Variants in CNTN4 observed in about 807,000 individuals in gnomAD.
CNTN4 encodes the protein contactin-4.
A neutral mutation model predicts 122.5 loss-of-function variants in CNTN4; 77 were observed. That is an observed-to-expected ratio of 0.63 (90% CI 0.52 to 0.76). CNTN4 has a LOEUF of 0.76. Among genes scored for constraint, CNTN4 ranks in the 30% least tolerant of loss-of-function variants. CNTN4 has a pLI of 0.00. For missense variants in CNTN4, 1,256 were observed against 1,259.1 expected, an observed-to-expected ratio of 1.00 and a Z score of 0.04; for synonymous variants, 512 against 447.0, an observed-to-expected ratio of 1.15 and a Z score of -1.83.
rs543475361 is a variant in CNTN4, at chr3:2,416,673, G to A, written c.-89+77440G>A. On this transcript the variant is annotated intron_variant, in intron 3 of 24. Coordinates refer to ENST00000418658, the MANE Select transcript of CNTN4 (RefSeq NM_175607.3). ...CAGTGTCGCAACTTTCTTTTTTTTA[G>A]GACGGAGTCTCTGTCTGTCGCCCAG... 2.7e-5 allele frequency among the ~76,000 whole-genome samples: 4 copies of A among 150,470 alleles called. No homozygotes were observed. The South Asian group carries it at 8.5e-4, about 32-fold the overall frequency.
At chr3:2,796,719 A>T (rs1559512707) in intron 6 of CNTN4, among the ~76,000 whole-genome samples, 1 of 152,244 alleles carries the variant, frequency 6.6e-6, no homozygotes. Flanking sequence ...AAGTCCTTAC[A>T]TAAGATCCGG....
At chr3:2,260,152 C>T (rs1439542057) in intron 2 of CNTN4, among the ~76,000 whole-genome samples, 2 of 152,046 alleles carry the variant, frequency 1.3e-5, no homozygotes, top group Non-Finnish European at 2.9e-5. Context: ...TACTTTCTAC[C>T]ACATAATGTA....
In CNTN4 at chr3:2,914,658, A is replaced by G. The variant is rs964861327; in HGVS notation, c.1208-10971A>G. ...AGTAGTAATTTAAACTTCCCAATAA[A>G]GAAAATCCCTGGACCAAATGCCTCA... On this transcript the variant is annotated intron_variant, in intron 12 of 24. Coordinates refer to ENST00000418658, the MANE Select transcript of CNTN4 (RefSeq NM_175607.3). 3.9e-5 allele frequency among the ~76,000 whole-genome samples: 6 copies of G among 152,248 alleles called. 2 individuals carry two copies. Among genetic ancestry groups the G allele is most frequent in the Admixed American group, 3.9e-4 (6 of 15,282 alleles).
rs543972461 is a variant in CNTN4 at position 2,602,602 on chromosome 3, C to G, written c.55+31044C>G. ...ACAAAATAAAAGAGGACACAAACAA[C>G]TGGAAGAACATTCCATGCTCATGGA... On this transcript the variant is annotated intron_variant, in intron 4 of 24. Transcript: ENST00000418658. Among the ~76,000 whole-genome samples, 54 of 152,230 alleles carry G rather than the reference C, an allele frequency of 3.5e-4. 3 individuals are homozygous for G. In the South Asian group the frequency reaches 0.011, roughly 31 times the overall value.
intron 4 of CNTN4, among the ~76,000 whole-genome samples, chr3:2,634,078 C>A (rs140192782): frequency 3.0e-4 from 45 of 152,204 alleles, no homozygotes; most frequent in African/African-American, 8.7e-4. Flanking sequence ...CATGTAAATT[C>A]ATTAGTAACT....
chr3:2,812,274 G>A (rs936338834), intron 6 of CNTN4, among the ~76,000 whole-genome samples: 1 of 152,066 alleles, frequency 6.6e-6, no homozygotes, highest in South Asian at 2.1e-4. Context: ...AAACTTAAAA[G>A]TTTTAAAAAG....
chr3:2,288,852 A>G (rs2042035263), intron 2 of CNTN4, among the ~76,000 whole-genome samples: 1 of 152,116 alleles, frequency 6.6e-6, no homozygotes, highest in South Asian at 2.1e-4. Flanking sequence ...GAAAAGAGGG[A>G]TGTTTGTCTT....
chr3:2,153,653 T>G (rs1213337088), intron 2 of CNTN4, among the ~76,000 whole-genome samples: 1 of 151,672 alleles, frequency 6.6e-6, no homozygotes, highest in African/African-American at 2.4e-5. Flanking sequence ...AGGGTGTACT[T>G]TATTCTGAGC....
intron 4 of CNTN4, among the ~76,000 whole-genome samples, chr3:2,583,216 A>C (rs1576093869): frequency 1.3e-5 from 2 of 152,250 alleles, no homozygotes; most frequent in African/African-American, 4.8e-5. Context: ...GGAGCTTTGA[A>C]GATCTGGCCA....
At chr3:2,431,397 A>T (rs1359447079) in intron 3 of CNTN4, among the ~76,000 whole-genome samples, 1 of 152,222 alleles carries the variant, frequency 6.6e-6, no homozygotes, top group African/African-American at 2.4e-5. Context: ...TGCAAAGAAT[A>T]AGTTTTGAAG....
At chr3:2,959,557 T>A (rs963977979) in intron 13 of CNTN4, among the ~76,000 whole-genome samples, 1 of 152,132 alleles carries the variant, frequency 6.6e-6, no homozygotes, top group Non-Finnish European at 1.5e-5. Context: ...ACCATCTAAT[T>A]ATTATTTTAA....
intron 2 of CNTN4, among the ~76,000 whole-genome samples, chr3:2,120,399 ATATATAT>A (rs1461968920): frequency 6.5e-4 from 20 of 30,738 alleles, no homozygotes; most frequent in African/African-American, 1.7e-3. Flanking sequence ...ATATATATAT[ATATATAT>A]TTTTTTTTTT....
chr3:2,993,426 T>C (rs1181066001), intron 14 of CNTN4, among the ~76,000 whole-genome samples: 3 of 151,892 alleles, frequency 2.0e-5, no homozygotes, highest in African/African-American at 7.3e-5. Flanking sequence ...GTCTCCCTAG[T>C]AGCTGGGATT....
chr3:2,990,911 A>G (rs1694996604), intron 14 of CNTN4, among the ~76,000 whole-genome samples: 1 of 152,192 alleles, frequency 6.6e-6, no homozygotes, highest in Non-Finnish European at 1.5e-5. Flanking sequence ...TGTTTCTTTC[A>G]AGGTATATTA....
intron 2 of CNTN4, among the ~76,000 whole-genome samples, chr3:2,111,895 G>A (rs1412042425): frequency 3.3e-5 from 5 of 152,022 alleles, no homozygotes; most frequent in African/African-American, 1.2e-4. Context: ...GAAATATGTG[G>A]ATGTTATGAT....
intron 2 of CNTN4, among the ~76,000 whole-genome samples, chr3:2,258,954 C>G (rs1271441564): frequency 6.6e-6 from 1 of 152,034 alleles, no homozygotes; most frequent in Non-Finnish European, 1.5e-5. Context: ...TATTCTTTTT[C>G]ATTTATTATT....
intron 4 of CNTN4, among the ~76,000 whole-genome samples, chr3:2,721,702 T>C (rs1462658256): frequency 6.6e-6 from 1 of 151,992 alleles, no homozygotes; most frequent in African/African-American, 2.4e-5. Context: ...TGCTTATCAG[T>C]GATAGCCTCA....
chr3:2,514,486 T>A (rs1334585723), intron 3 of CNTN4, among the ~76,000 whole-genome samples: 6 of 150,132 alleles, frequency 4.0e-5, no homozygotes, highest in Non-Finnish European at 8.9e-5. Flanking sequence ...AAAAAAAAAA[T>A]GAATATGACT....
In CNTN4 at chr3:2,250,540, C is replaced by G. The variant is rs571544981; in HGVS notation, c.-144-88638C>G. 2.0e-5 allele frequency among the ~76,000 whole-genome samples: 3 copies of G among 151,718 alleles called. No individual in the cohort carries two copies. In the East Asian group the frequency reaches 5.8e-4, roughly 29 times the overall value. Reference sequence around the variant, plus strand: ...GCTAGAGGGAGGATATTGAATATTCCCAACACAATGAAATGATAAATGTTC... The same window carrying G: ...GCTAGAGGGAGGATATTGAATATTCGCAACACAATGAAATGATAAATGTTC... On this transcript the variant is annotated intron_variant, in intron 2 of 24. Coordinates refer to ENST00000418658, the MANE Select transcript of CNTN4 (RefSeq NM_175607.3).
Sources: allele counts gnomAD v4.1 joint callset (sites outside exome capture counted in the v4.1 genomes callset), GRCh38; gene constraint gnomAD v4.1.1; transcripts MANE v1.5; gene names NCBI Gene and HGNC (gene_info 2026-07-23, HGNC 2026-07-21).